Variants in CWH43 observed in about 807,000 individuals in gnomAD.
The protein encoded by CWH43 is cell wall biogenesis 43 C-terminal homolog.
A neutral mutation model predicts 85.7 loss-of-function variants in CWH43; 91 were observed. That is an observed-to-expected ratio of 1.06 (90% CI 0.90 to 1.26). The LOEUF (loss-of-function observed/expected upper bound fraction) is 1.26. Ranked by LOEUF, CWH43 falls within the 50% of genes most tolerant of loss-of-function variation. CWH43 has a pLI of 0.00. For synonymous variants in CWH43, 323 were observed against 293.6 expected (o/e 1.10, Z -1.02); for missense variants, 869 against 839.2 (o/e 1.04, Z -0.44).
chr4:48,986,323 G>C lies in CWH43; in HGVS notation c.-107G>C. On this transcript the variant is annotated 5_prime_UTR_variant, in exon 1 of 16. Transcript: ENST00000226432. ...ACGGGACGCGGGAACGAGGGGCGCG[G>C]ACGCAGGCCCGGGAGGACGCGGCGG... The C allele has an allele frequency of 9.1e-7, 1 of 1,095,050 alleles. No homozygotes were observed. The highest frequency in any genetic ancestry group is 1.3e-6 in the Non-Finnish European group (1 of 777,584). The allele number at this position is 1,095,050 out of a possible 1,614,324, so 67.8% of individuals were successfully genotyped here.
At chr4:49,046,580 T>C (rs142375323) in intron 14 of CWH43, among the ~76,000 whole-genome samples, 1 of 152,018 alleles carries the variant, frequency 6.6e-6, no homozygotes, top group East Asian at 1.9e-4. Flanking sequence ...TGGTAGGTTA[T>C]AAAAAGTGGG....
At position 49,044,829 on chromosome 4, in the gene CWH43, T is replaced by C; in HGVS notation, c.1847T>C (p.Met616Thr). 6.2e-7 allele frequency: 1 copy of C among 1,613,264 alleles called. No homozygotes were observed. The highest frequency in any genetic ancestry group is 1.1e-5 in the South Asian group (1 of 91,044). Residue 616 changes from methionine to threonine, a missense_variant, in exon 14 of 16, where the codon ATG becomes ACG. Coordinates refer to ENST00000226432, the MANE Select transcript of CWH43 (RefSeq NM_025087.3). Reference sequence around the variant, plus strand: ...CATGACAGATGGTGTGAATACATTATGTATCGAGGGCTGATCAGGTGAGCA... The same window carrying C: ...CATGACAGATGGTGTGAATACATTACGTATCGAGGGCTGATCAGGTGAGCA... ...TDHDRWCEYI[M>T]YRGLIRLGYA...
chr4:49,020,265 TATA>T (rs1310409609), intron 9 of CWH43, among the ~76,000 whole-genome samples: 2 of 152,082 alleles, frequency 1.3e-5, no homozygotes, highest in Admixed American at 6.6e-5. Flanking sequence ...TGCAAGAATA[TATA>T]ATATTTGGTT....
intron 15 of CWH43, among the ~76,000 whole-genome samples, chr4:49,053,776 G>A (rs1784870155): frequency 6.6e-6 from 1 of 152,070 alleles, no homozygotes; most frequent in Non-Finnish European, 1.5e-5. Flanking sequence ...CACTGACACA[G>A]TGCTCTAAGG....
intron 12 of CWH43, among the ~76,000 whole-genome samples, chr4:49,035,934 T>C (rs1352524628): frequency 1.3e-5 from 2 of 152,190 alleles, no homozygotes; most frequent in Non-Finnish European, 1.5e-5. Flanking sequence ...TAGAATTCCC[T>C]GCAGACCTAA....
At chr4:49,035,412 G>A (rs994177765) in intron 12 of CWH43, among the ~76,000 whole-genome samples, 1 of 152,102 alleles carries the variant, frequency 6.6e-6, no homozygotes, top group Non-Finnish European at 1.5e-5. Flanking sequence ...ATTATTTTAG[G>A]TAATTAACTG....
chr4:49,033,768 T>C (rs1406718364), intron 12 of CWH43, among the ~76,000 whole-genome samples: 2 of 152,204 alleles, frequency 1.3e-5, no homozygotes, highest in Non-Finnish European at 2.9e-5. Context: ...ATGTAACTTA[T>C]ACTTGACCAT....
chr4:49,024,605 T>C (rs1358439942), intron 9 of CWH43, among the ~76,000 whole-genome samples: 1 of 152,204 alleles, frequency 6.6e-6, no homozygotes, highest in Non-Finnish European at 1.5e-5. Flanking sequence ...CCTTCATTTA[T>C]GAAAGCTTAG....
chr4:49,010,478 C>T (rs1198196584), intron 8 of CWH43, among the ~76,000 whole-genome samples: 6 of 151,960 alleles, frequency 3.9e-5, no homozygotes, highest in African/African-American at 7.2e-5. Flanking sequence ...TATCTCCTTT[C>T]GTTCTGCTCT....
chr4:49,060,618 G>T (rs959503338), intron 15 of CWH43, among the ~76,000 whole-genome samples: 8 of 152,132 alleles, frequency 5.3e-5, no homozygotes, highest in African/African-American at 1.4e-4. Flanking sequence ...CTAGTCTTGG[G>T]GGAGGAGTGA....
chr4:49,013,310 G>A (rs1783428456), intron 8 of CWH43, among the ~76,000 whole-genome samples: 1 of 152,240 alleles, frequency 6.6e-6, no homozygotes. Context: ...GGCACAGGAT[G>A]GTATCTCCTG....
At chr4:49,023,754 G>C (rs952661882) in intron 9 of CWH43, among the ~76,000 whole-genome samples, 4 of 152,160 alleles carry the variant, frequency 2.6e-5, no homozygotes, top group Admixed American at 2.6e-4. Context: ...GTTGACACTT[G>C]TTTTATGGCC....
chr4:49,047,400 T>G (rs1784655927), intron 14 of CWH43, among the ~76,000 whole-genome samples: 1 of 152,098 alleles, frequency 6.6e-6, no homozygotes, highest in Admixed American at 6.6e-5. Flanking sequence ...GATAAATAAT[T>G]GCAGGATGAT....
chr4:49,032,089 AG>A (rs1314928059), intron 11 of CWH43, among the ~76,000 whole-genome samples: 1 of 152,234 alleles, frequency 6.6e-6, no homozygotes, highest in Non-Finnish European at 1.5e-5. Context: ...GCTATGGAAG[AG>A]AAGCCTGCCA....
chr4:49,037,618 T>C (rs1435018063), intron 12 of CWH43, among the ~76,000 whole-genome samples: 1 of 151,988 alleles, frequency 6.6e-6, no homozygotes, highest in Non-Finnish European at 1.5e-5. Context: ...TACATAAGCC[T>C]GATGGGCTCT....
At chr4:49,002,168 C>G (rs1783010758) in intron 6 of CWH43, among the ~76,000 whole-genome samples, 2 of 151,938 alleles carry the variant, frequency 1.3e-5, no homozygotes, top group Admixed American at 1.3e-4. Context: ...ACTTATGCCC[C>G]TTGACATAAG....
chr4:49,016,006 C>G (rs1029946518), intron 8 of CWH43, among the ~76,000 whole-genome samples: 1 of 152,036 alleles, frequency 6.6e-6, no homozygotes, highest in Non-Finnish European at 1.5e-5. Context: ...GGGCTTGATT[C>G]TGCAGGGTGT....
intron 9 of CWH43, among the ~76,000 whole-genome samples, chr4:49,026,002 C>G (rs1246580385): frequency 2.0e-5 from 3 of 149,346 alleles, no homozygotes; most frequent in Middle Eastern, 3.6e-3. Context: ...AGCTCAGACT[C>G]TCGTTGGGCT....
intron 12 of CWH43, among the ~76,000 whole-genome samples, chr4:49,037,343 G>C (rs1002050813): frequency 6.6e-6 from 1 of 152,198 alleles, no homozygotes; most frequent in Non-Finnish European, 1.5e-5. Context: ...AACAAGGTGG[G>C]TGGATTGCTT....
Sources: gnomAD v4.1 joint callset for allele counts (sites outside exome capture counted in the v4.1 genomes callset) on GRCh38, gnomAD v4.1.1 for gene constraint, MANE v1.5 for transcripts, NCBI Gene and HGNC (gene_info 2026-07-23, HGNC 2026-07-21) for gene names.